CTDSP2: variants seen among roughly 807,000 people sequenced by gnomAD.
The protein encoded by CTDSP2 is carboxy-terminal domain RNA polymerase II polypeptide A small phosphatase 2.
A neutral mutation model predicts 31.6 loss-of-function variants in CTDSP2; 9 were observed. The observed-to-expected ratio is 0.28, with a 90% CI of 0.17 to 0.50. The LOEUF is 0.50. Ranked by LOEUF, CTDSP2 falls within the 20% of genes least tolerant of loss-of-function variation. CTDSP2 has a pLI of 0.98. For missense variants in CTDSP2, 267 were observed against 348.5 expected (o/e 0.77, Z 1.86); for synonymous variants, 134 against 134.5 (o/e 1.00, Z 0.03).
Position 57,824,335 on chromosome 12 carries a change from G to A in CTDSP2, c.412-16C>T. 6.3e-7 allele frequency: 1 copy of A among 1,598,076 alleles called. No individual in the cohort carries two copies. Among genetic ancestry groups the A allele is most frequent in the Non-Finnish European group, 8.6e-7 (1 of 1,165,474 alleles). On this transcript the variant is annotated splice_polypyrimidine_tract_variant and intron_variant, in intron 5 of 7. Coordinates refer to ENST00000398073, the MANE Select transcript of CTDSP2 (RefSeq NM_005730.4). ...GCACATACACCTGAGGAAGAGCAGA[G>A]CAGCCTGTTGGAGGCATCCCTGTGA...
Position 57,829,474 on chromosome 12 carries a change from T to C in CTDSP2, c.187A>G (p.Lys63Glu), listed in dbSNP as rs1956202033. 7 of 1,614,026 alleles carry C rather than the reference T, an allele frequency of 4.3e-6. No individual in the cohort carries two copies. Among genetic ancestry groups the C allele is most frequent in the East Asian group, 4.5e-5 (2 of 44,884 alleles). ...TTAGCAATGGTGTTTGCTTCCTCCT[T>C]ATACGCAGCGAGCTCAGTGGAGGAA... ...SSSSTELAAY[K>E]EEANTIAKSD... Residue 63 changes from lysine to glutamate, a missense_variant, in exon 2 of 8, where the codon AAG becomes GAG. Coordinates refer to ENST00000398073, the MANE Select transcript of CTDSP2 (RefSeq NM_005730.4).
chr12:57,843,670 C>T (rs2140486287), intron 1 of CTDSP2, among the ~76,000 whole-genome samples: 1 of 152,226 alleles, frequency 6.6e-6, no homozygotes, highest in East Asian at 1.9e-4. Flanking sequence ...CAAAGGCAGG[C>T]AAGGCATGGA....
At chr12:57,833,562 C>T (rs1956229459) in intron 1 of CTDSP2, among the ~76,000 whole-genome samples, 1 of 152,224 alleles carries the variant, frequency 6.6e-6, no homozygotes, top group Admixed American at 6.5e-5. Context: ...CCTCTCCCAG[C>T]ATGACTGCCT....
At chr12:57,831,893 TGG>T (rs1433032849) in intron 1 of CTDSP2, among the ~76,000 whole-genome samples, 2 of 152,128 alleles carry the variant, frequency 1.3e-5, no homozygotes, top group African/African-American at 4.8e-5. Context: ...CTTGCAGAAG[TGG>T]GTAATGGAAG....
chr12:57,825,558 T>G (rs1381659135), intron 5 of CTDSP2, among the ~76,000 whole-genome samples: 1 of 152,260 alleles, frequency 6.6e-6, no homozygotes, highest in African/African-American at 2.4e-5. Flanking sequence ...GTCAAAGGGC[T>G]GCTGGACCAA....
chr12:57,823,346 A>AAC lies in CTDSP2; in HGVS notation c.*254_*255dup, dbSNP rs764169846. The AAC allele has an allele frequency of 2.5e-5, 13 of 518,820 alleles. No individual in the cohort carries two copies. The highest frequency in any genetic ancestry group is 3.9e-5 in the Non-Finnish European group (11 of 285,514). The allele number at this position is 518,820 out of a possible 1,614,324, so 32.1% of individuals were successfully genotyped here. ...ACACTGGGGCCACAGTTCATGGCAA[A>AAC]ACACACACACAAACACACACTCTCT... On this transcript the variant is annotated 3_prime_UTR_variant, in exon 8 of 8. Transcript: ENST00000398073.
intron 1 of CTDSP2, among the ~76,000 whole-genome samples, chr12:57,830,470 G>A (rs1215842119): frequency 1.3e-5 from 2 of 152,040 alleles, no homozygotes; most frequent in Non-Finnish European, 2.9e-5. Context: ...CTAGAAACAA[G>A]AGACTAGGAA....
intron 5 of CTDSP2, 88 bp from the exon 6 acceptor site, chr12:57,824,407 G>A: frequency 9.9e-7 from 1 of 1,013,112 alleles, no homozygotes; most frequent in Non-Finnish European, 1.5e-6. Flanking sequence ...ACAGCAGCAA[G>A]GAGCTCTCAA....
Position 57,829,505 on chromosome 12 carries a change from C to A in CTDSP2, c.156G>T (p.Gln52His). ...CAGCGAGCTCAGTGGAGGAACTTGA[C>A]TGGCCAACATGCTGGGCGCGAAAAC... ...FCCFRAQHVG[Q>H]SSSSTELAAY... Residue 52 changes from glutamine to histidine, a missense_variant, in exon 2 of 8, where the codon CAG (glutamine) becomes CAT (histidine). Coordinates refer to ENST00000398073, the MANE Select transcript of CTDSP2 (RefSeq NM_005730.4). 1 of 1,614,200 alleles carries A rather than the reference C, an allele frequency of 6.2e-7. No homozygotes were observed. The highest frequency in any genetic ancestry group is 2.2e-5 in the East Asian group (1 of 44,880).
chr12:57,838,097 C>T (rs1956258805), intron 1 of CTDSP2, among the ~76,000 whole-genome samples: 1 of 152,176 alleles, frequency 6.6e-6, no homozygotes, highest in Admixed American at 6.5e-5. Flanking sequence ...TGGGCAGCTC[C>T]AACGTACTTT....
rs1279483624 is a variant in CTDSP2, at chr12:57,822,509, A to C, written c.*1093T>G. On this transcript the variant is annotated 3_prime_UTR_variant, in exon 8 of 8. Transcript: ENST00000398073. ...GAACAGACAGAGCTCGGTACAGGACAGGCCCTGGGGGAAGACACAACAGGA... is the reference window on the plus strand; with the variant it reads ...GAACAGACAGAGCTCGGTACAGGACCGGCCCTGGGGGAAGACACAACAGGA... The C allele has an allele frequency of 2.0e-5, 3 of 152,496 alleles. No individual in the cohort carries two copies. In the East Asian group the frequency reaches 5.8e-4, roughly 29 times the overall value. The allele number at this position is 152,496 out of a possible 1,614,324, so 9.4% of individuals were successfully genotyped here. A position where few individuals can be genotyped will look rare whatever the true frequency, so the allele number is the denominator to read the frequency against.
At chr12:57,825,877 G>C (rs1267165973) in intron 5 of CTDSP2, among the ~76,000 whole-genome samples, 1 of 152,150 alleles carries the variant, frequency 6.6e-6, no homozygotes, top group East Asian at 1.9e-4. Flanking sequence ...GGCAGGGGGA[G>C]CATGGGCAAG....
intron 1 of CTDSP2, among the ~76,000 whole-genome samples, chr12:57,841,063 C>A (rs1956279763): frequency 6.6e-6 from 1 of 152,192 alleles, no homozygotes; most frequent in Non-Finnish European, 1.5e-5. Context: ...ATTTCTAGTA[C>A]TTTCTTTGTA....
In CTDSP2 at chr12:57,829,449, T is replaced by C; in HGVS notation, c.212A>G (p.Lys71Arg). Residue 71 changes from lysine to arginine, a missense_variant and splice_region_variant, in exon 2 of 8, where the codon AAG becomes AGG. Lys to Arg is a conservative substitution (Grantham distance 26). Transcript: ENST00000398073. Reference sequence around the variant, plus strand: ...ATCTTACCACCCCAACCCACCTACCTTAGCAATGGTGTTTGCTTCCTCCTT... The same window carrying C: ...ATCTTACCACCCCAACCCACCTACCCTAGCAATGGTGTTTGCTTCCTCCTT... The part of the protein sequence containing the change: ...AYKEEANTIA[K>R]SDLLQCLQYQ... 6.2e-7 allele frequency: 1 copy of C among 1,613,424 alleles called. No homozygotes were observed. Among genetic ancestry groups the C allele is most frequent in the Admixed American group, 1.7e-5 (1 of 60,022 alleles).
chr12:57,824,160 G>C, intron 6 of CTDSP2, 67 bp downstream of exon 6: 1 of 1,609,282 alleles, frequency 6.2e-7, no homozygotes, highest in Non-Finnish European at 8.5e-7. Context: ...GGACCAAAAG[G>C]GAGCTGCTGG....
rs1595185756 is a variant in CTDSP2, at chr12:57,824,077, C to T, written c.517G>A (p.Val173Met). Reference protein sequence around the residue: ...TASLAKYADPVTDLLDRCGVF... With the variant: ...TASLAKYADPMTDLLDRCGVF... Reference sequence around the variant, plus strand: ...CCACACCGGTCCAGCAGGTCTGTCACAGGGTCGGCATACTAGGAGGAGAGA... The same window carrying T: ...CCACACCGGTCCAGCAGGTCTGTCATAGGGTCGGCATACTAGGAGGAGAGA... Residue 173 changes from valine (V) to methionine (M), a missense_variant, in exon 7 of 8, where the codon GTG (valine) becomes ATG (methionine). Around this residue, in one of 2 missense-constraint regions of CTDSP2, gnomAD observed 156 missense variants for 241.3 expected, o/e 0.65. Transcript: ENST00000398073. 1 of 1,613,920 alleles carries T rather than the reference C, an allele frequency of 6.2e-7. No individual in the cohort carries two copies. Among genetic ancestry groups the T allele is most frequent in the Non-Finnish European group, 8.5e-7 (1 of 1,179,984 alleles).
chr12:57,827,220 A>C, intron 3 of CTDSP2, 123 bp from the exon 4 acceptor site: 2 of 699,334 alleles, frequency 2.9e-6, no homozygotes, highest in Non-Finnish European at 2.5e-6. Flanking sequence ...GATAGGCACC[A>C]CTTAAAGGCC....
At chr12:57,826,519 G>A in intron 4 of CTDSP2, 117 bp from the exon 5 acceptor site, 2 of 912,554 alleles carry the variant, frequency 2.2e-6, no homozygotes, top group South Asian at 2.9e-5. Flanking sequence ...AGTGCCTCTG[G>A]CCACCTCATT....
At chr12:57,846,270 T>C in intron 1 of CTDSP2, 102 bp downstream of exon 1, 1 of 1,114,604 alleles carries the variant, frequency 9.0e-7, no homozygotes, top group Non-Finnish European at 1.3e-6. Context: ...GATCGCTGGC[T>C]CTAAGCCCTG....
Sources: allele counts gnomAD v4.1 joint callset (sites outside exome capture counted in the v4.1 genomes callset), GRCh38; gene constraint gnomAD v4.1.1; regional missense constraint gnomAD v4.1.1; transcripts MANE v1.5; gene names NCBI Gene and HGNC (gene_info 2026-07-23, HGNC 2026-07-21).